MAP7: variants seen among roughly 807,000 people sequenced by gnomAD.
MAP7 encodes the protein ensconsin.
A neutral mutation model predicts 94.8 loss-of-function variants in MAP7; 52 were observed. The observed-to-expected ratio is 0.55, with a 90% CI of 0.44 to 0.69. The LOEUF (loss-of-function observed/expected upper bound fraction) is 0.69, where lower values mean the gene tolerates loss of function less well. Ranked by LOEUF, MAP7 falls within the 30% of genes least tolerant of loss-of-function variation. The probability of loss-of-function intolerance (pLI) is 0.00; values close to 1 mark genes in which losing one functional copy is unlikely to be tolerated. For missense variants in MAP7, 940 were observed against 964.6 expected (o/e 0.97, Z 0.34); for synonymous variants, 350 against 357.0 (o/e 0.98, Z 0.22).
At chr6:136,503,813 A>T (rs1207532516) in intron 1 of MAP7, among the ~76,000 whole-genome samples, 1 of 152,252 alleles carries the variant, frequency 6.6e-6, no homozygotes, top group South Asian at 2.1e-4. Flanking sequence ...TATGCTGATC[A>T]AACTATTTCG....
intron 1 of MAP7, among the ~76,000 whole-genome samples, chr6:136,515,234 G>A (rs949084166): frequency 6.6e-6 from 1 of 152,208 alleles, no homozygotes; most frequent in African/African-American, 2.4e-5. Context: ...ATTGAAGAGA[G>A]TTAGGGTCCT....
At chr6:136,374,896 A>C (rs1353730466) in intron 7 of MAP7, among the ~76,000 whole-genome samples, 6 of 152,216 alleles carry the variant, frequency 3.9e-5, no homozygotes, top group Non-Finnish European at 7.3e-5. Context: ...TATTTGAATA[A>C]TCTTGCCCTT....
intron 7 of MAP7, 71 bp downstream of exon 7, chr6:136,377,684 T>C: frequency 8.7e-7 from 1 of 1,149,730 alleles, no homozygotes; most frequent in Non-Finnish European, 1.3e-6. Context: ...AAAAGTGAGA[T>C]GTGATTAGAC....
At chr6:136,473,585 G>A (rs1809810199) in intron 1 of MAP7, among the ~76,000 whole-genome samples, 1 of 152,162 alleles carries the variant, frequency 6.6e-6, no homozygotes, top group South Asian at 2.1e-4. Context: ...ATTAATGGCT[G>A]TATAATATTG....
intron 1 of MAP7, among the ~76,000 whole-genome samples, chr6:136,514,546 A>G (rs1175756797): frequency 7.2e-6 from 1 of 138,256 alleles, no homozygotes; most frequent in Non-Finnish European, 1.5e-5. Context: ...AGATCACAGC[A>G]CTCCAGCCTG....
chr6:136,407,596 G>C (rs953650081), intron 3 of MAP7, among the ~76,000 whole-genome samples: 1 of 152,138 alleles, frequency 6.6e-6, no homozygotes, highest in Non-Finnish European at 1.5e-5. Context: ...TGACTAAATG[G>C]ATTCAGGGTT....
chr6:136,445,266 A>C (rs1023485327), intron 1 of MAP7, among the ~76,000 whole-genome samples: 4 of 152,120 alleles, frequency 2.6e-5, no homozygotes, highest in African/African-American at 9.7e-5. Flanking sequence ...TTATCACCAG[A>C]GATTGGAAAC....
intron 1 of MAP7, among the ~76,000 whole-genome samples, chr6:136,425,209 G>A (rs1389617315): frequency 1.3e-5 from 2 of 152,230 alleles, no homozygotes; most frequent in Non-Finnish European, 2.9e-5. Flanking sequence ...TTTATGAACT[G>A]TTTATTTCTG....
chr6:136,397,941 C>T (rs932134656), intron 3 of MAP7, among the ~76,000 whole-genome samples: 4 of 152,050 alleles, frequency 2.6e-5, no homozygotes, highest in African/African-American at 9.7e-5. Context: ...ACAATTTATC[C>T]CTGGCCTATG....
At chr6:136,401,745 C>A (rs369125185) in intron 3 of MAP7, among the ~76,000 whole-genome samples, 1 of 150,500 alleles carries the variant, frequency 6.6e-6, no homozygotes. Flanking sequence ...CAAACTTGAA[C>A]GTTGTGCACA....
chr6:136,542,728 A>G (rs1309351854), intron 1 of MAP7, among the ~76,000 whole-genome samples: 1 of 152,104 alleles, frequency 6.6e-6, no homozygotes, highest in Non-Finnish European at 1.5e-5. Flanking sequence ...TTAAAAAAAA[A>G]AAGAAATACT....
At chr6:136,539,066 CG>C (rs1291435076) in intron 1 of MAP7, among the ~76,000 whole-genome samples, 1 of 152,124 alleles carries the variant, frequency 6.6e-6, no homozygotes, top group Non-Finnish European at 1.5e-5. Flanking sequence ...AAATAAAAAA[CG>C]GCTTAAGGAA....
chr6:136,428,119 A>T (rs9376185), intron 1 of MAP7, among the ~76,000 whole-genome samples: 126,274 of 152,186 alleles, frequency 0.83, 52,462 homozygotes, highest in Middle Eastern at 0.87. Context: ...AGAATGGAAC[A>T]GAGACACGCA....
chr6:136,421,366 T>A (rs1791293359), intron 2 of MAP7, among the ~76,000 whole-genome samples: 1 of 152,222 alleles, frequency 6.6e-6, no homozygotes, highest in African/African-American at 2.4e-5. Context: ...ATAGTAAAAT[T>A]ATTACCCCTT....
At chr6:136,508,576 C>T (rs772838871) in intron 1 of MAP7, among the ~76,000 whole-genome samples, 4 of 152,206 alleles carry the variant, frequency 2.6e-5, no homozygotes, top group Non-Finnish European at 4.4e-5. Flanking sequence ...GCTATGACTT[C>T]ATACAGGGAT....
Position 136,377,660 on chromosome 6 carries a change from A to G in MAP7, c.751+95T>C. 3.5e-6 allele frequency: 3 copies of G among 868,516 alleles called. No individual in the cohort carries two copies. In the South Asian group the frequency reaches 4.3e-5, roughly 12 times the overall value. The allele number at this position is 868,516 out of a possible 1,614,324, so 53.8% of individuals were successfully genotyped here. A position where few individuals can be genotyped will look rare whatever the true frequency, so the allele number is the denominator to read the frequency against. On this transcript the variant is annotated intron_variant, in intron 7 of 17. Coordinates refer to ENST00000354570, the MANE Select transcript of MAP7 (RefSeq NM_003980.6). ...GACATTTCCACCGGGGGAAGAGAGAAGCGCATTTTAGGAAAAAGTGAGATG... is the reference window on the plus strand; with the variant it reads ...GACATTTCCACCGGGGGAAGAGAGAGGCGCATTTTAGGAAAAAGTGAGATG...
intron 1 of MAP7, among the ~76,000 whole-genome samples, chr6:136,504,049 A>G (rs141762328): frequency 6.6e-6 from 1 of 152,224 alleles, no homozygotes; most frequent in African/African-American, 2.4e-5. Flanking sequence ...CACTTAAACT[A>G]TATTTATCAC....
intron 1 of MAP7, among the ~76,000 whole-genome samples, chr6:136,482,002 G>A (rs1451226457): frequency 6.6e-6 from 1 of 152,094 alleles, no homozygotes; most frequent in Non-Finnish European, 1.5e-5. Context: ...TTTTCTGTAG[G>A]TCTGACATTA....
chr6:136,380,942 G>A (rs1777568876), intron 6 of MAP7, among the ~76,000 whole-genome samples: 2 of 152,216 alleles, frequency 1.3e-5, no homozygotes, highest in African/African-American at 2.4e-5. Flanking sequence ...AGCAGAACAT[G>A]AGCCCTGATG....
Sources: allele counts gnomAD v4.1 joint callset (sites outside exome capture counted in the v4.1 genomes callset), GRCh38; gene constraint gnomAD v4.1.1; transcripts MANE v1.5; gene names NCBI Gene and HGNC (gene_info 2026-07-23, HGNC 2026-07-21).